The following CSDE1 variants were observed in gnomAD, a reference collection of about 807,000 sequenced individuals.
The protein encoded by CSDE1 is cold shock domain-containing protein E1.
A neutral mutation model predicts 89.3 loss-of-function variants in CSDE1; 17 were observed. That is an observed-to-expected ratio of 0.19 (90% confidence interval 0.13 to 0.29). CSDE1 has a LOEUF of 0.29. Ranked by LOEUF, CSDE1 falls within the 10% of genes least tolerant of loss-of-function variation. The probability of loss-of-function intolerance (pLI) is 1.00; values close to 1 mark genes in which losing one functional copy is unlikely to be tolerated. For missense variants in CSDE1, 672 were observed against 984.2 expected (o/e 0.68, Z 4.24); for synonymous variants, 322 against 332.8 (o/e 0.97, Z 0.35).
intron 16 of CSDE1, 42 bp downstream of exon 16, chr1:114,723,841 G>C (rs200380890): frequency 1.2e-6 from 2 of 1,612,360 alleles, no homozygotes; most frequent in African/African-American, 2.7e-5. Context: ...CTCATCTGAA[G>C]TTATGGCAAA....
intron 19 of CSDE1, 152 bp downstream of exon 19, chr1:114,718,461 G>C: frequency 9.0e-7 from 1 of 1,111,412 alleles, no homozygotes; most frequent in Non-Finnish European, 1.3e-6. Flanking sequence ...AGGTTAGGGG[G>C]CTGAACCAAT....
intron 2 of CSDE1, chr1:114,741,429 T>A: frequency 8.7e-7 from 1 of 1,148,910 alleles, no homozygotes. Flanking sequence ...AGTTAGAAGG[T>A]GAGTCGGCAA....
At chr1:114,730,038 G>T (rs1278205189) in intron 12 of CSDE1, among the ~76,000 whole-genome samples, 1 of 152,120 alleles carries the variant, frequency 6.6e-6, no homozygotes, top group Non-Finnish European at 1.5e-5. Context: ...GGCCAGAAAT[G>T]CTGCTAAACA....
chr1:114,720,374 A>T, intron 17 of CSDE1, 165 bp downstream of exon 17: 2 of 617,920 alleles, frequency 3.2e-6, no homozygotes, highest in Non-Finnish European at 2.7e-6. Flanking sequence ...CTTTTTGTGT[A>T]GTTTTCTGTT....
At chr1:114,724,104 T>C (rs1053523952) in intron 15 of CSDE1, 102 bp from the exon 16 acceptor site, 2 of 1,325,158 alleles carry the variant, frequency 1.5e-6, no homozygotes, top group Admixed American at 2.4e-5. Flanking sequence ...ACAGGGTAGG[T>C]TGGCTGGCTG....
chr1:114,754,015 A>G (rs1322537776), intron 1 of CSDE1, among the ~76,000 whole-genome samples: 1 of 152,216 alleles, frequency 6.6e-6, no homozygotes, highest in Non-Finnish European at 1.5e-5. Flanking sequence ...CTAAGTAATC[A>G]ACTCCTTTTC....
At chr1:114,735,016 G>A (rs1660320673) in intron 6 of CSDE1, among the ~76,000 whole-genome samples, 1 of 152,158 alleles carries the variant, frequency 6.6e-6, no homozygotes, top group African/African-American at 2.4e-5. Context: ...GCTAAATTTA[G>A]TAGCTATCTC....
chr1:114,741,764 G>T, intron 2 of CSDE1: 1 of 940,640 alleles, frequency 1.1e-6, no homozygotes, highest in Non-Finnish European at 1.4e-6. Flanking sequence ...CTTGGGTTTA[G>T]CGAAATATAA....
intron 15 of CSDE1, 198 bp from the exon 16 acceptor site, chr1:114,724,200 G>C (rs957783688): frequency 5.2e-6 from 2 of 383,656 alleles, no homozygotes; most frequent in Non-Finnish European, 9.3e-6. Flanking sequence ...CTACCAAAAT[G>C]CCTGCTTTTC....
chr1:114,733,858 C>T lies in CSDE1; in HGVS notation c.712-1G>A. 6.2e-7 allele frequency: 1 copy of T among 1,613,724 alleles called. No homozygotes were observed. The highest frequency in any genetic ancestry group is 8.5e-7 in the Non-Finnish European group (1 of 1,179,934). ...TGACATCTGTTGCAACTTCTTTACC[C>T]TAAATCAGAAGGGGTTGGAGGTGGT... On this transcript the variant is annotated splice_acceptor_variant, in intron 8 of 19. Coordinates refer to ENST00000358528, the MANE Select transcript of CSDE1 (RefSeq NM_001007553.3). LOFTEE classifies it high-confidence loss of function.
chr1:114,732,147 G>C (rs1660136604), intron 10 of CSDE1, among the ~76,000 whole-genome samples: 1 of 151,970 alleles, frequency 6.6e-6, no homozygotes, highest in South Asian at 2.1e-4. Flanking sequence ...AGCTATCATT[G>C]CTGTTAGTGT....
intron 5 of CSDE1, 54 bp from the exon 6 acceptor site, chr1:114,736,909 T>C: frequency 7.6e-7 from 1 of 1,308,336 alleles, no homozygotes; most frequent in South Asian, 1.3e-5. Flanking sequence ...ATTCACTGTA[T>C]ACTGTGATTT....
intron 4 of CSDE1, 113 bp from the exon 5 acceptor site, chr1:114,737,676 A>G: frequency 5.0e-6 from 4 of 794,332 alleles, no homozygotes; most frequent in Non-Finnish European, 8.2e-6. Flanking sequence ...GCATTTTAAT[A>G]TGATCCACAA....
At chr1:114,728,472 G>A (rs1255166744) in intron 12 of CSDE1, among the ~76,000 whole-genome samples, 1 of 152,008 alleles carries the variant, frequency 6.6e-6, no homozygotes, top group Non-Finnish European at 1.5e-5. Context: ...ACAGGTAAAT[G>A]TTATATACTG....
intron 6 of CSDE1, among the ~76,000 whole-genome samples, chr1:114,735,042 G>A (rs992140204): frequency 6.6e-6 from 1 of 152,294 alleles, no homozygotes; most frequent in African/African-American, 2.4e-5. Flanking sequence ...TTATTTCTGA[G>A]TAAACAGCCA....
chr1:114,740,288 G>A (rs1660650057), intron 2 of CSDE1, among the ~76,000 whole-genome samples: 1 of 152,198 alleles, frequency 6.6e-6, no homozygotes, highest in Non-Finnish European at 1.5e-5. Flanking sequence ...AAGAGATTTG[G>A]TAACGCTATT....
chr1:114,742,434 T>C (rs1433491149), intron 2 of CSDE1, among the ~76,000 whole-genome samples: 1 of 152,024 alleles, frequency 6.6e-6, no homozygotes, highest in African/African-American at 2.4e-5. Flanking sequence ...ATACAAAATT[T>C]AGCCAGGCAT....
chr1:114,736,639 G>C (rs1305864237), intron 6 of CSDE1, 119 bp downstream of exon 6: 5 of 620,830 alleles, frequency 8.1e-6, no homozygotes, highest in South Asian at 4.2e-5. Context: ...TTGATGAATT[G>C]AAAGTTCATG....
Position 114,737,977 on chromosome 1 carries a change from GTTC to G in CSDE1, c.292_294del (p.Glu98del). The G allele has an allele frequency of 6.2e-7, 1 of 1,611,936 alleles. No homozygotes were observed. The highest frequency in any genetic ancestry group is 2.2e-5 in the East Asian group (1 of 44,868). ...AAGTCACTAACTTGTCCATTCATTCGTTCTTCAGGGAGGATTTCTTGTTTTATC... is the reference window on the plus strand; with the variant it reads ...AAGTCACTAACTTGTCCATTCATTCGTTCAGGGAGGATTTCTTGTTTTATC... On this transcript the variant is annotated inframe_deletion, in exon 4 of 20. Transcript: ENST00000358528.
Sources: gnomAD v4.1 joint callset for allele counts (sites outside exome capture counted in the v4.1 genomes callset) on GRCh38, gnomAD v4.1.1 for gene constraint, MANE v1.5 for transcripts, NCBI Gene and HGNC (gene_info 2026-07-23, HGNC 2026-07-21) for gene names.